The following VWF variants were observed in gnomAD, a reference collection of about 807,000 sequenced individuals.
VWF encodes von Willebrand factor.
A neutral mutation model predicts 308.6 loss-of-function variants in VWF; 176 were observed. That is an observed-to-expected ratio of 0.57 (90% CI 0.50 to 0.65). The LOEUF is 0.65. Among genes scored for constraint, VWF ranks in the 30% least tolerant of loss-of-function variants. The pLI is 0.00. For synonymous variants in VWF, 1,385 were observed against 1,443.4 expected (o/e 0.96, Z 0.92); for missense variants, 3,146 against 3,648.2 (o/e 0.86, Z 3.55).
intron 15 of VWF, among the ~76,000 whole-genome samples, chr12:6,053,937 T>C (rs753980514): frequency 2.0e-5 from 3 of 152,228 alleles, no homozygotes; most frequent in Admixed American, 6.5e-5. Flanking sequence ...AAATTCCTTA[T>C]GGGCAGGGTA....
At chr12:6,083,294 G>T (rs563499638) in intron 6 of VWF, among the ~76,000 whole-genome samples, 1 of 152,190 alleles carries the variant, frequency 6.6e-6, no homozygotes, top group Non-Finnish European at 1.5e-5. Flanking sequence ...GATTACAGGC[G>T]TGAGCCACCG....
chr12:6,019,821 C>T lies in VWF; in HGVS notation c.3675-78G>A, dbSNP rs1944110978. On this transcript the variant is annotated intron_variant, in intron 27 of 51. Coordinates refer to ENST00000261405, the MANE Select transcript of VWF (RefSeq NM_000552.5). This position sits in a 1 kb window ranked among gnomAD's most constrained non-coding sequence, Gnocchi z 5.8. ...TTCTGAGCCCTACAGTGTACAATGA[C>T]TTCCATATTCCCACAGAATCTCCTC... The T allele has an allele frequency of 6.9e-7, 1 of 1,442,668 alleles. No homozygotes were observed. 89.4% of individuals were successfully genotyped at this position (1,442,668 alleles called of 1,614,324 possible).
chr12:6,114,073 C>T (rs919159896), intron 3 of VWF, among the ~76,000 whole-genome samples: 3 of 152,236 alleles, frequency 2.0e-5, no homozygotes, highest in Non-Finnish European at 2.9e-5. Context: ...GCCTCGGCTT[C>T]ACTGGGTAAC....
chr12:6,029,400 A>G lies in VWF; in HGVS notation c.2909T>C (p.Leu970Pro). The G allele has an allele frequency of 6.2e-7, 1 of 1,614,166 alleles. No individual in the cohort carries two copies. The highest frequency in any genetic ancestry group is 2.2e-5 in the East Asian group (1 of 44,870). ...CAGGTGGCGGTCCCAGACCACGGAG[A>G]GGGCTTTGCCCAGCAGCAGAATGAT... ...RYIILLLGKA[L>P]SVVWDRHLSI... Residue 970 changes from leucine to proline, a missense_variant, in exon 22 of 52, where the codon CTC (leucine) becomes CCC (proline). Coordinates refer to ENST00000261405, the MANE Select transcript of VWF (RefSeq NM_000552.5).
Position 6,121,327 on chromosome 12 carries a change from C to A in VWF, c.67G>T (p.Ala23Ser). Reference sequence around the variant, plus strand: ...GATGACCTGCCGCGAGTTCCTTCTGCACAAAGGGTCCCTGGAGGGAGAGGC... The same window carrying A: ...GATGACCTGCCGCGAGTTCCTTCTGAACAAAGGGTCCCTGGAGGGAGAGGC... ...LALILPGTLCAEGTRGRSSTA... is the reference protein window; with the variant it reads ...LALILPGTLCSEGTRGRSSTA... The change falls in exon 3 of 52, where the codon GCA becomes TCA. Residue 23 changes from alanine (A) to serine (S), a missense_variant. Physicochemically the swap from Ala to Ser is moderately conservative, Grantham distance 99 (BLOSUM62 1). This residue lies in a region of VWF where 1,304 missense variants were observed against 1,353.0 expected (regional missense o/e 0.96). Transcript: ENST00000261405. 1 of 1,614,092 alleles carries A rather than the reference C, an allele frequency of 6.2e-7. No homozygotes were observed. The highest frequency in any genetic ancestry group is 8.5e-7 in the Non-Finnish European group (1 of 1,180,010).
chr12:6,122,933 C>G, intron 2 of VWF: 2 of 753,932 alleles, frequency 2.7e-6, no homozygotes. Flanking sequence ...TCTTAATTCC[C>G]CAACAGGAGA....
In VWF at chr12:6,041,480, G is replaced by T. The variant is rs191167660; in HGVS notation, c.2442+2811C>A. Among the ~76,000 whole-genome samples the T allele has an allele frequency of 6.7e-4, 102 of 151,178 alleles. 2 individuals are homozygous for T. In the East Asian group the frequency reaches 0.018, roughly 27 times the overall value. On this transcript the variant is annotated intron_variant, in intron 18 of 51. Coordinates refer to ENST00000261405, the MANE Select transcript of VWF (RefSeq NM_000552.5). ...ATTTTTTTTTTTGAGACGGAGTCTC[G>T]CTCTGTCGCTCAGGCTGGAGTGCAG...
intron 5 of VWF, among the ~76,000 whole-genome samples, chr12:6,109,042 G>A (rs913166933): frequency 6.6e-6 from 1 of 150,894 alleles, no homozygotes; most frequent in South Asian, 2.1e-4. Flanking sequence ...TTCAGAAAGA[G>A]CTCAAAATGG....
chr12:6,044,098 C>G (rs11064008), intron 18 of VWF, among the ~76,000 whole-genome samples, 193 bp downstream of exon 18: 16,184 of 152,076 alleles, frequency 0.11, 1,148 homozygotes, highest in Middle Eastern at 0.17. Flanking sequence ...TTCCTAACAA[C>G]TCCCTCCCTG....
chr12:6,064,595 C>T (rs980173933), intron 11 of VWF, among the ~76,000 whole-genome samples: 78 of 152,234 alleles, frequency 5.1e-4, no homozygotes, highest in African/African-American at 1.7e-3. Flanking sequence ...TTGCACACGC[C>T]TTCTCCCAGC....
intron 13 of VWF, among the ~76,000 whole-genome samples, chr12:6,062,228 A>G (rs920242494): frequency 6.6e-6 from 1 of 152,158 alleles, no homozygotes; most frequent in African/African-American, 2.4e-5. Flanking sequence ...GAAAGGCATG[A>G]GGCAGAGAAC....
At chr12:6,016,055 C>T (rs370652696) in intron 31 of VWF, 34 bp downstream of exon 31, 1 of 1,613,654 alleles carries the variant, frequency 6.2e-7, no homozygotes, top group African/African-American at 1.3e-5. Context: ...AAGTCTCGCT[C>T]TCCTGAATTG....
intron 34 of VWF, among the ~76,000 whole-genome samples, chr12:5,997,423 C>G (rs528642120): frequency 6.6e-4 from 101 of 152,294 alleles, no homozygotes; most frequent in African/African-American, 2.4e-3. Context: ...CTCTGCCCAC[C>G]CTAAGATGAA....
At chr12:6,038,482 GT>G (rs926126235) in intron 18 of VWF, among the ~76,000 whole-genome samples, 2 of 151,782 alleles carry the variant, frequency 1.3e-5, no homozygotes, top group African/African-American at 4.8e-5. Context: ...CATGCTGCAT[GT>G]TTTTACCTCT....
chr12:6,096,348 G>A (rs1945105837), intron 5 of VWF, among the ~76,000 whole-genome samples: 1 of 152,102 alleles, frequency 6.6e-6, no homozygotes. Flanking sequence ...TGTGGTCCTG[G>A]TGAGTGAATG....
At chr12:6,121,387 G>A in intron 2 of VWF, 49 bp from the exon 3 acceptor site, 1 of 1,603,544 alleles carries the variant, frequency 6.2e-7, no homozygotes, top group Non-Finnish European at 8.5e-7. Flanking sequence ...GGCACAACTG[G>A]GACCATCAGC....
intron 34 of VWF, among the ~76,000 whole-genome samples, chr12:6,000,691 A>AG (rs1237535988): frequency 1.3e-5 from 2 of 151,416 alleles, no homozygotes; most frequent in African/African-American, 4.8e-5. Flanking sequence ...GGGCGCCTGT[A>AG]GTCCCAGCTA....
In VWF at chr12:6,096,154, T is replaced by TGGACGGAC. The variant is rs1166223949; in HGVS notation, c.533-571_533-570insGTCCGTCC. Among the ~76,000 whole-genome samples the TGGACGGAC allele has an allele frequency of 4.7e-5, 7 of 148,320 alleles. 1 individual carries two copies. The highest frequency in any genetic ancestry group is 7.6e-5 in the African/African-American group (3 of 39,648). ...ATGGATGGATGGATGGATGGATGGA[T>TGGACGGAC]GGACGGTTACAATTACGATGAGGGA... On this transcript the variant is annotated intron_variant, in intron 5 of 51. Coordinates refer to ENST00000261405, the MANE Select transcript of VWF (RefSeq NM_000552.5).
chr12:6,079,456 A>AG lies in VWF; in HGVS notation c.658-3906_658-3905insC, dbSNP rs1295780406. Among the ~76,000 whole-genome samples, 7 of 152,078 alleles carry AG rather than the reference A, an allele frequency of 4.6e-5. No homozygotes were observed. In the South Asian group the frequency reaches 1.2e-3, roughly 27 times the overall value. ...CCCATCTCTACTAAAAATACAAAAA[A>AG]AAAATTAGCCGGGCATGGTGGCGGG... On this transcript the variant is annotated intron_variant, in intron 6 of 51. Transcript: ENST00000261405.
Sources: allele counts gnomAD v4.1 joint callset (sites outside exome capture counted in the v4.1 genomes callset), GRCh38; gene constraint gnomAD v4.1.1; regional missense constraint gnomAD v4.1.1; non-coding constraint Gnocchi (gnomAD v3.1); transcripts MANE v1.5; gene names NCBI Gene and HGNC (gene_info 2026-07-23, HGNC 2026-07-21).